Variants in ISM1 observed in about 807,000 individuals in gnomAD.
The protein encoded by ISM1 is isthmin-1.
In ISM1, 25 loss-of-function variants were observed where a neutral mutation model predicts 46.3. The ratio of observed to expected loss-of-function variants is 0.54; its 90% CI spans 0.39 to 0.75. ISM1 has a LOEUF of 0.75. Among genes scored for constraint, ISM1 ranks in the 30% least tolerant of loss-of-function variants. The pLI, the probability that ISM1 is intolerant of heterozygous loss-of-function variation, is 0.00. For synonymous variants in ISM1, 255 were observed against 256.7 expected, an observed-to-expected ratio of 0.99 and a Z score of 0.06; for missense variants, 536 against 625.4, an observed-to-expected ratio of 0.86 and a Z score of 1.52.
chr20:13,269,015 C>G (rs2040080403), intron 1 of ISM1, among the ~76,000 whole-genome samples: 2 of 152,208 alleles, frequency 1.3e-5, no homozygotes, highest in African/African-American at 2.4e-5. Context: ...CCTCAGTGCT[C>G]TTGACCTTGG....
At chr20:13,248,799 T>C (rs559392117) in intron 1 of ISM1, among the ~76,000 whole-genome samples, 2 of 152,048 alleles carry the variant, frequency 1.3e-5, no homozygotes, top group African/African-American at 4.8e-5. Flanking sequence ...CATTTGGGGG[T>C]GAGCGGGGGA....
chr20:13,221,904 C>A lies in ISM1; in HGVS notation c.128C>A (p.Ala43Asp). The A allele has an allele frequency of 7.3e-7, 1 of 1,371,324 alleles. No homozygotes were observed. The highest frequency in any genetic ancestry group is 3.6e-5 in the Admixed American group (1 of 27,842). The allele number at this position is 1,371,324 out of a possible 1,614,324, so 84.9% of individuals were successfully genotyped here. A position where few individuals can be genotyped will look rare whatever the true frequency, so the allele number is the denominator to read the frequency against. Reference sequence around the variant, plus strand: ...GCGGCCGCGGGCAACGCCAGCCAAGCCCAGCTGCAGGTGAGTGCGCCGCCG... The same window carrying A: ...GCGGCCGCGGGCAACGCCAGCCAAGACCAGCTGCAGGTGAGTGCGCCGCCG... Reference protein sequence around the residue: ...PDAAAGNASQAQLQNNLNVGS... With the variant: ...PDAAAGNASQDQLQNNLNVGS... The change falls in exon 1 of 6, where the codon GCC (alanine) becomes GAC (aspartate). Residue 43 changes from alanine (A) to aspartate (D), a missense_variant. Transcript: ENST00000262487.
At chr20:13,302,481 A>G (rs966291110), downstream of ISM1, among the ~76,000 whole-genome samples, 2 of 152,094 alleles carry the variant, frequency 1.3e-5, no homozygotes, top group Non-Finnish European at 2.9e-5. Context: ...AGACTAGGAG[A>G]CCCTTATCTC....
At chr20:13,319,015 A>T in the ISM1 span, among the ~76,000 whole-genome samples, 1 of 152,110 alleles carries the variant, frequency 6.6e-6, no homozygotes, top group Non-Finnish European at 1.5e-5. Flanking sequence ...ACCCTAATGA[A>T]CTCTGGGTGA....
the ISM1 span, among the ~76,000 whole-genome samples, chr20:13,315,508 C>T: frequency 6.6e-6 from 1 of 151,900 alleles, no homozygotes; most frequent in Admixed American, 6.6e-5. Flanking sequence ...TATGTATTCA[C>T]CTAATAACAG....
intron 2 of ISM1, among the ~76,000 whole-genome samples, chr20:13,272,974 G>A (rs1470470635): frequency 6.6e-6 from 1 of 152,204 alleles, no homozygotes; most frequent in Non-Finnish European, 1.5e-5. Flanking sequence ...GCATAATGCT[G>A]AGGACTGAGC....
chr20:13,247,517 G>GGGGGGTGTGTGTGT (rs1183213178), intron 1 of ISM1, among the ~76,000 whole-genome samples: 3 of 139,806 alleles, frequency 2.1e-5, no homozygotes, highest in African/African-American at 8.1e-5. Context: ...CAAAGTGAGG[G>GGGGGGTGTGTGTGT]GTGTGTGTGT....
In ISM1 at chr20:13,247,517, G is replaced by GGTGTGTGTGTGTGTCTGTGTGT. The variant is rs55680207; in HGVS notation, c.139-22973_139-22972insCTGTGTGTGTGTGTGTGTGTGT. On this transcript the variant is annotated intron_variant, in intron 1 of 5. Transcript: ENST00000262487. ...CAGCATTTCTGGCAGCAAAGTGAGGGGTGTGTGTGTGTGTGTGTGTGTGTG... is the reference window on the plus strand; with the variant it reads ...CAGCATTTCTGGCAGCAAAGTGAGGGGTGTGTGTGTGTGTCTGTGTGTGTGTGTGTGTGTGTGTGTGTGTGTG... Among the ~76,000 whole-genome samples, 24 of 139,910 alleles carry GGTGTGTGTGTGTGTCTGTGTGT rather than the reference G, an allele frequency of 1.7e-4. No homozygotes were observed. In the South Asian group the frequency reaches 2.3e-3, roughly 13 times the overall value. 91.8% of individuals were successfully genotyped at this position (139,910 alleles called of 152,430 possible).
At chr20:13,258,189 AC>A (rs1295619404) in intron 1 of ISM1, among the ~76,000 whole-genome samples, 2 of 152,172 alleles carry the variant, frequency 1.3e-5, no homozygotes, top group African/African-American at 4.8e-5. Context: ...TTTCTTGGGC[AC>A]ATGATCTGCA....
chr20:13,270,824 C>A lies in ISM1; in HGVS notation c.378+81C>A. 2 of 1,346,528 alleles carry A rather than the reference C, an allele frequency of 1.5e-6. 1 individual carries two copies. Among genetic ancestry groups the A allele is most frequent in the East Asian group, 4.9e-5 (2 of 40,632 alleles). 83.4% of individuals were successfully genotyped at this position (1,346,528 alleles called of 1,614,324 possible). A position where few individuals can be genotyped will look rare whatever the true frequency, so the allele number is the denominator to read the frequency against. ...CTGATGATTCCAGTGGAAACTGCTG[C>A]CTTACCTCACTTTTCTTCTTAACCC... is the stretch of plus-strand genomic sequence containing the variant. On this transcript the variant is annotated intron_variant, in intron 2 of 5. Transcript: ENST00000262487.
At chr20:13,268,155 C>CTTCTCTTCTCTTCT (rs1456221859) in intron 1 of ISM1, among the ~76,000 whole-genome samples, 43 of 69,114 alleles carry the variant, frequency 6.2e-4, no homozygotes, top group East Asian at 6.1e-3. Flanking sequence ...TCTTCTCTTC[C>CTTCTCTTCTCTTCT]CTTCCCTTCT....
In ISM1 at chr20:13,285,404, G is replaced by A. The variant is rs571911214; in HGVS notation, c.644-3136G>A. On this transcript the variant is annotated intron_variant, in intron 3 of 5. Transcript: ENST00000262487. ...TGTCTGGACTCTTCTGGTCTGGTCT[G>A]GACTGGCTTGGCTGGGGCTGGATGG... Among the ~76,000 whole-genome samples the A allele has an allele frequency of 9.8e-5, 15 of 152,350 alleles. No individual in the cohort carries two copies. In the East Asian group the frequency reaches 2.3e-3, roughly 23 times the overall value.
chr20:13,262,465 C>CT (rs536983518), intron 1 of ISM1, among the ~76,000 whole-genome samples: 2,275 of 145,128 alleles, frequency 0.016, 24 homozygotes, highest in African/African-American at 0.031. Context: ...TTTTCTTTTT[C>CT]TTTTTTTTTT....
chr20:13,312,007 C>G, the ISM1 span, among the ~76,000 whole-genome samples: 2 of 152,226 alleles, frequency 1.3e-5, no homozygotes, highest in East Asian at 1.9e-4. Context: ...ATACACATAT[C>G]AAAACATCAC....
chr20:13,283,607 A>G (rs996636079), intron 3 of ISM1, among the ~76,000 whole-genome samples: 1 of 152,264 alleles, frequency 6.6e-6, no homozygotes, highest in African/African-American at 2.4e-5. Flanking sequence ...AGTCAGCTCA[A>G]CTGTGGAAAG....
intron 1 of ISM1, among the ~76,000 whole-genome samples, chr20:13,266,484 A>G (rs1335909262): frequency 6.6e-6 from 1 of 152,202 alleles, no homozygotes; most frequent in Non-Finnish European, 1.5e-5. Flanking sequence ...CTCTGAAATT[A>G]TAGTCACAAG....
At chr20:13,321,997 A>C in the ISM1 span, among the ~76,000 whole-genome samples, 10 of 152,240 alleles carry the variant, frequency 6.6e-5, no homozygotes, top group African/African-American at 1.9e-4. Context: ...GTTGCCATGA[A>C]GAATTAATGA....
Position 13,299,480 on chromosome 20 carries a change from G to A in ISM1, c.*21G>A. 6 of 1,576,436 alleles carry A rather than the reference G, an allele frequency of 3.8e-6. No individual in the cohort carries two copies. Among genetic ancestry groups the A allele is most frequent in the Non-Finnish European group, 5.2e-6 (6 of 1,163,222 alleles). On this transcript the variant is annotated 3_prime_UTR_variant, in exon 6 of 6. Coordinates refer to ENST00000262487, the MANE Select transcript of ISM1 (RefSeq NM_080826.2). The surrounding 1 kb of genome is among the most constrained non-coding windows in gnomAD (Gnocchi z 5.8). ...ATTAAAGAGACTGGGATGAGGTGGA[G>A]GACGCTGCCTCTGGTTCTGGAGCAC...
chr20:13,276,688 C>G (rs2040184026), intron 2 of ISM1, among the ~76,000 whole-genome samples: 1 of 152,138 alleles, frequency 6.6e-6, no homozygotes, highest in African/African-American at 2.4e-5. Flanking sequence ...TGTGCTCACT[C>G]CACACCTACA....
Sources: gnomAD v4.1 joint callset for allele counts (sites outside exome capture counted in the v4.1 genomes callset) on GRCh38, gnomAD v4.1.1 for gene constraint, Gnocchi (gnomAD v3.1) non-coding constraint, MANE v1.5 for transcripts, NCBI Gene and HGNC (gene_info 2026-07-23, HGNC 2026-07-21) for gene names.